KIAA1614: variants seen among roughly 807,000 people sequenced by gnomAD.
The protein encoded by KIAA1614 is uncharacterized protein KIAA1614.
A neutral mutation model predicts 88.7 loss-of-function variants in KIAA1614; 76 were observed. The ratio of observed to expected loss-of-function variants is 0.86; its 90% confidence interval spans 0.71 to 1.04. KIAA1614 has a LOEUF of 1.04. KIAA1614 is among the 50% of genes least tolerant of loss of function. The probability of loss-of-function intolerance (pLI) is 0.00; values close to 1 mark genes in which losing one functional copy is unlikely to be tolerated. For synonymous variants in KIAA1614, 714 were observed against 675.5 expected, an observed-to-expected ratio of 1.06 and a Z score of -0.88; for missense variants, 1,553 against 1,582.5, an observed-to-expected ratio of 0.98 and a Z score of 0.32.
At chr1:180,932,900 C>T (rs576315460) in intron 4 of KIAA1614, among the ~76,000 whole-genome samples, 5 of 152,244 alleles carry the variant, frequency 3.3e-5, no homozygotes, top group South Asian at 4.2e-4. Context: ...TCACCACTCC[C>T]GGCTAATTTT....
At chr1:180,928,660 T>C in intron 4 of KIAA1614, 87 bp downstream of exon 4, 1 of 1,242,752 alleles carries the variant, frequency 8.0e-7, no homozygotes, top group Non-Finnish European at 1.1e-6. Flanking sequence ...AGCCAAATGC[T>C]GCTGCTGCTC....
intron 2 of KIAA1614, 59 bp from the exon 3 acceptor site, chr1:180,917,792 G>A (rs1431761621): frequency 7.4e-7 from 1 of 1,350,630 alleles, no homozygotes; most frequent in African/African-American, 1.4e-5. Flanking sequence ...TCACTAAGTG[G>A]CAGCTGAGAG....
Position 180,936,013 on chromosome 1 carries a change from T to C in KIAA1614, c.2104T>C (p.Phe702Leu). The stretch of plus-strand genomic sequence containing the variant: ...AGGACACACGCCTGAAGGAACTCTA[T>C]TTTTGAGAGAAGATGCCAAGCCTCC... ...GRGHTPEGTLFLREDAKPPDL... is the reference protein window; with the variant it reads ...GRGHTPEGTLLLREDAKPPDL... The change falls in exon 5 of 9, where the codon TTT becomes CTT. Residue 702 changes from phenylalanine to leucine, a missense_variant. Coordinates refer to ENST00000367588, the MANE Select transcript of KIAA1614 (RefSeq NM_020950.2). 6.2e-7 allele frequency: 1 copy of C among 1,614,046 alleles called. No individual in the cohort carries two copies. Among genetic ancestry groups the C allele is most frequent in the Non-Finnish European group, 8.5e-7 (1 of 1,179,920 alleles).
At position 180,935,474 on chromosome 1, in the gene KIAA1614, G is replaced by T; in HGVS notation, c.1565G>T (p.Arg522Met). ...FHRLVGSLDR[R>M]GHPAPPAPGS... ...AGGCTTGTGGGCAGCCTGGACCGCA[G>T]GGGACACCCGGCACCGCCGGCACCG... is the stretch of plus-strand genomic sequence containing the variant. Residue 522 changes from arginine to methionine, a missense_variant, in exon 5 of 9, where the codon AGG becomes ATG. Physicochemically the swap from Arg to Met is moderately conservative, Grantham distance 91. Transcript: ENST00000367588. This position sits in a 1 kb window ranked among gnomAD's most constrained non-coding sequence, Gnocchi z 6.1. The T allele has an allele frequency of 6.8e-7, 1 of 1,478,494 alleles. No individual in the cohort carries two copies. The highest frequency in any genetic ancestry group is 2.4e-5 in the East Asian group (1 of 41,730). The allele number at this position is 1,478,494 out of a possible 1,614,324, so 91.6% of individuals were successfully genotyped here.
Position 180,947,870 on chromosome 1 carries a change from A to G in KIAA1614, c.*2282A>G, listed in dbSNP as rs1317747246. On this transcript the variant is annotated 3_prime_UTR_variant, in exon 9 of 9. Transcript: ENST00000367588. ...TTCTTCCCTCCCCTTCAGAAAGAGA[A>G]AGTCTGGGGAAGAGAACCCCAGACA... 2.0e-5 allele frequency: 3 copies of G among 152,270 alleles called. No individual in the cohort carries two copies. Among genetic ancestry groups the G allele is most frequent in the Non-Finnish European group, 4.4e-5 (3 of 68,086 alleles). 9.4% of individuals were successfully genotyped at this position (152,270 alleles called of 1,614,324 possible). A position where few individuals can be genotyped will look rare whatever the true frequency, so the allele number is the denominator to read the frequency against.
rs554497298 is a variant in KIAA1614, at chr1:180,936,641, C to T, written c.2732C>T (p.Pro911Leu). ...GAGAGGGGCCCCTGCAGCCGGGAAC[C>T]GGAGCCGCCCCTGGAGAACAGCAGA... ...RVERGPCSRE[P>L]EPPLENSRDG... The change falls in exon 5 of 9, where the codon CCG becomes CTG. Residue 911 changes from proline (P) to leucine (L), a missense_variant. Transcript: ENST00000367588. 14 of 1,567,208 alleles carry T rather than the reference C, an allele frequency of 8.9e-6. No homozygotes were observed. Among genetic ancestry groups the T allele is most frequent in the East Asian group, 4.6e-5 (2 of 43,790 alleles).
At chr1:180,943,262 T>C (rs1654511003) in intron 7 of KIAA1614, among the ~76,000 whole-genome samples, 3 of 152,004 alleles carry the variant, frequency 2.0e-5, no homozygotes. Context: ...CCTGACTTCA[T>C]GTAATCCACC....
rs1365003226 is a variant in KIAA1614 at position 180,913,257 on chromosome 1, AGGC to A, written c.24_26del (p.Ala9del). 4.8e-6 allele frequency: 6 copies of A among 1,261,660 alleles called. No homozygotes were observed. Among genetic ancestry groups the A allele is most frequent in the South Asian group, 3.4e-5 (1 of 29,118 alleles). 78.2% of individuals were successfully genotyped at this position (1,261,660 alleles called of 1,614,324 possible). A position where few individuals can be genotyped will look rare whatever the true frequency, so the allele number is the denominator to read the frequency against. On this transcript the variant is annotated inframe_deletion, in exon 1 of 9. Transcript: ENST00000367588. Reference sequence around the variant, plus strand: ...CCTCTCCGAGGGATGGAGGGGACAGAGGCGGCGGCGGCCAAACCCGCGGGCGGC... The same window carrying A: ...CCTCTCCGAGGGATGGAGGGGACAGAGGCGGCGGCCAAACCCGCGGGCGGC...
intron 3 of KIAA1614, among the ~76,000 whole-genome samples, chr1:180,920,387 G>A (rs1404380560): frequency 6.6e-6 from 1 of 152,220 alleles, no homozygotes; most frequent in Admixed American, 6.5e-5. Flanking sequence ...AAGGGGCTTA[G>A]GACTTTGGGG....
At position 180,950,420 on chromosome 1, in the gene KIAA1614, G is replaced by A. The variant is rs777193759; in HGVS notation, c.*4832G>A. 8.2e-6 allele frequency: 10 copies of A among 1,218,426 alleles called. No homozygotes were observed. In the Admixed American group the frequency reaches 8.8e-5, roughly 11 times the overall value. 75.5% of individuals were successfully genotyped at this position (1,218,426 alleles called of 1,614,324 possible). On this transcript the variant is annotated 3_prime_UTR_variant, in exon 9 of 9. Transcript: ENST00000367588. ...GCTGGGGGTGGGCGATGAGATCCTC[G>A]AGGTGAACGGGGCCAAGGTGGCAGG...
rs1275341345 is a variant in KIAA1614 at position 180,945,518 on chromosome 1, G to A, written c.3503G>A (p.Gly1168Asp). The change falls in exon 9 of 9, where the codon GGC becomes GAC. Residue 1168 changes from glycine (G) to aspartate (D), a missense_variant. Physicochemically the swap from Gly to Asp is moderately conservative, Grantham distance 94. Transcript: ENST00000367588. ...GMPSPLPQPH[G>D]WGGLSKQGRA... The stretch of plus-strand genomic sequence containing the variant: ...CCCTCTCCTCTTCCTCAGCCCCATG[G>A]CTGGGGCGGCCTTAGCAAACAAGGC... 4 of 1,613,532 alleles carry A rather than the reference G, an allele frequency of 2.5e-6. No individual in the cohort carries two copies. The highest frequency in any genetic ancestry group is 1.3e-5 in the African/African-American group (1 of 74,920).
intron 5 of KIAA1614, among the ~76,000 whole-genome samples, chr1:180,937,366 T>TG (rs1034736220): frequency 1.4e-4 from 22 of 152,356 alleles, no homozygotes; most frequent in Non-Finnish European, 2.6e-4. Context: ...CCCTGGCCCC[T>TG]GGGCCTGTTG....
chr1:180,940,963 C>G, intron 6 of KIAA1614, 82 bp from the exon 7 acceptor site: 1 of 1,282,324 alleles, frequency 7.8e-7, no homozygotes. Flanking sequence ...ATCTGCGGCC[C>G]TTGAGATGGC....
rs1365921087 is a variant in KIAA1614 at position 180,951,123 on chromosome 1, G to T, written c.*5535G>T. 1.3e-5 allele frequency: 2 copies of T among 152,198 alleles called. No homozygotes were observed. Among genetic ancestry groups the T allele is most frequent in the African/African-American group, 4.8e-5 (2 of 41,440 alleles). The allele number at this position is 152,198 out of a possible 1,614,324, so 9.4% of individuals were successfully genotyped here. ...TGGCAGGAGTTTTATGCCCCTTCGGGGTGTGGGAATTCTGGGAGATGTTAT... is the reference window on the plus strand; with the variant it reads ...TGGCAGGAGTTTTATGCCCCTTCGGTGTGTGGGAATTCTGGGAGATGTTAT... On this transcript the variant is annotated 3_prime_UTR_variant, in exon 9 of 9. Coordinates refer to ENST00000367588, the MANE Select transcript of KIAA1614 (RefSeq NM_020950.2).
intron 7 of KIAA1614, among the ~76,000 whole-genome samples, chr1:180,941,745 C>T (rs953099887): frequency 3.9e-5 from 6 of 152,216 alleles, no homozygotes; most frequent in Non-Finnish European, 5.9e-5. Context: ...ACCACGCCAC[C>T]CCCTCGCCGA....
At position 180,917,239 on chromosome 1, in the gene KIAA1614, A is replaced by G. The variant is rs1383469365; in HGVS notation, c.997+139A>G. 1.2e-5 allele frequency: 8 copies of G among 672,876 alleles called. No homozygotes were observed. The East Asian group carries it at 1.9e-4, about 16-fold the overall frequency. 41.7% of individuals were successfully genotyped at this position (672,876 alleles called of 1,614,324 possible). ...CTGACAGTTGCCTGTCATCAAAATC[A>G]TCAGGATGGCCTCTTGTCCTTGGCT... On this transcript the variant is annotated intron_variant, in intron 2 of 8. Coordinates refer to ENST00000367588, the MANE Select transcript of KIAA1614 (RefSeq NM_020950.2).
At position 180,936,588 on chromosome 1, in the gene KIAA1614, C is replaced by A. The variant is rs771288447; in HGVS notation, c.2679C>A (p.Tyr893Ter). 74 of 1,611,776 alleles carry A rather than the reference C, an allele frequency of 4.6e-5. No homozygotes were observed. Among genetic ancestry groups the A allele is most frequent in the Non-Finnish European group, 5.9e-5 (69 of 1,179,480 alleles). ...CACCTCGGGGGCTGCAGGAGCCCTACGGGGGAGCCGTCCACGAGGGTAGGG... is the reference window on the plus strand; with the variant it reads ...CACCTCGGGGGCTGCAGGAGCCCTAAGGGGGAGCCGTCCACGAGGGTAGGG... The part of the protein sequence containing the change: ...NSAPRGLQEP[Y>*]GGAVHEGRVE... Residue 893 changes from tyrosine to a stop codon, truncating the protein, a stop_gained, in exon 5 of 9, where the codon TAC becomes TAA. Transcript: ENST00000367588. LOFTEE classifies it high-confidence loss of function.
chr1:180,926,720 G>T (rs1169564435), intron 3 of KIAA1614, among the ~76,000 whole-genome samples: 2 of 152,234 alleles, frequency 1.3e-5, no homozygotes, highest in Non-Finnish European at 2.9e-5. Flanking sequence ...CACGGCTGCA[G>T]GGGCGCCTCT....
In KIAA1614 at chr1:180,950,420, G is replaced by C. The variant is rs777193759; in HGVS notation, c.*4832G>C. 3 of 1,218,544 alleles carry C rather than the reference G, an allele frequency of 2.5e-6. No individual in the cohort carries two copies. Among genetic ancestry groups the C allele is most frequent in the Non-Finnish European group, 3.1e-6 (3 of 953,470 alleles). 75.5% of individuals were successfully genotyped at this position (1,218,544 alleles called of 1,614,324 possible). On this transcript the variant is annotated 3_prime_UTR_variant, in exon 9 of 9. Coordinates refer to ENST00000367588, the MANE Select transcript of KIAA1614 (RefSeq NM_020950.2). ...GCTGGGGGTGGGCGATGAGATCCTC[G>C]AGGTGAACGGGGCCAAGGTGGCAGG...
Sources: allele counts gnomAD v4.1 joint callset (sites outside exome capture counted in the v4.1 genomes callset), GRCh38; gene constraint gnomAD v4.1.1; non-coding constraint Gnocchi (gnomAD v3.1); transcripts MANE v1.5; gene names NCBI Gene and HGNC (gene_info 2026-07-23, HGNC 2026-07-21).